Variants in TLK1 observed in about 807,000 individuals in gnomAD.
TLK1 encodes the protein tousled like kinase 1, also known as serine/threonine-protein kinase tousled-like 1.
Under a neutral mutation model 105.3 loss-of-function variants are expected in TLK1, and 24 were observed. That is an observed-to-expected ratio of 0.23 (90% CI 0.17 to 0.32). The LOEUF is 0.32. Ranked by LOEUF, TLK1 falls within the 10% of genes least tolerant of loss-of-function variation. The pLI is 1.00. For synonymous variants in TLK1, 321 were observed against 310.4 expected, an observed-to-expected ratio of 1.03 and a Z score of -0.36; for missense variants, 558 against 910.5, an observed-to-expected ratio of 0.61 and a Z score of 4.98.
At chr2:171,064,959 T>C (rs1687919347) in intron 3 of TLK1, among the ~76,000 whole-genome samples, 1 of 152,240 alleles carries the variant, frequency 6.6e-6, no homozygotes, top group South Asian at 2.1e-4. Context: ...CAATTTTACT[T>C]GGAACTTAGG....
intron 3 of TLK1, among the ~76,000 whole-genome samples, chr2:171,077,704 G>C (rs1472021040): frequency 6.6e-6 from 1 of 152,156 alleles, no homozygotes; most frequent in African/African-American, 2.4e-5. Context: ...GGACCCCAAA[G>C]AGCTTTTATT....
chr2:171,139,317 G>A (rs1465411075), intron 1 of TLK1, among the ~76,000 whole-genome samples: 1 of 152,168 alleles, frequency 6.6e-6, no homozygotes. Context: ...CAGTAATCTG[G>A]CTGGGCATGG....
At chr2:171,074,659 A>G (rs1268103868) in intron 3 of TLK1, among the ~76,000 whole-genome samples, 1 of 151,676 alleles carries the variant, frequency 6.6e-6, no homozygotes, top group African/African-American at 2.4e-5. Context: ...AGAAAGAAAG[A>G]AGAAAAAACC....
intron 1 of TLK1, among the ~76,000 whole-genome samples, chr2:171,139,633 C>T (rs748999233): frequency 4.6e-5 from 7 of 151,934 alleles, no homozygotes; most frequent in Admixed American, 2.0e-4. Context: ...CAACAAAAAC[C>T]GGTTATCTTC....
At chr2:171,146,976 T>G (rs919937240) in intron 1 of TLK1, among the ~76,000 whole-genome samples, 1 of 152,198 alleles carries the variant, frequency 6.6e-6, no homozygotes, top group Non-Finnish European at 1.5e-5. Flanking sequence ...TAAATCTGTT[T>G]TGCTTAAGTT....
rs147559071 is a variant in TLK1, at chr2:171,036,952, T to C, written c.1170-8547A>G. Among the ~76,000 whole-genome samples the C allele has an allele frequency of 5.1e-3, 769 of 152,148 alleles. 7 individuals carry two copies. Among genetic ancestry groups the C allele is most frequent in the African/African-American group, 0.017 (715 of 41,536 alleles). ...ATCCTAGTCTTTAAAAAAGGCTAGATTTAAATGGGATCAAGGTTGCTCATC... is the reference window on the plus strand; with the variant it reads ...ATCCTAGTCTTTAAAAAAGGCTAGACTTAAATGGGATCAAGGTTGCTCATC... On this transcript the variant is annotated intron_variant, in intron 11 of 20. Coordinates refer to ENST00000431350, the MANE Select transcript of TLK1 (RefSeq NM_012290.5).
At chr2:171,143,498 T>C (rs1300006293) in intron 1 of TLK1, among the ~76,000 whole-genome samples, 2 of 86,766 alleles carry the variant, frequency 2.3e-5, no homozygotes, top group Non-Finnish European at 4.0e-5. Flanking sequence ...AGAGTGGGAC[T>C]CTATCTCCAA....
chr2:171,016,840 C>T (rs891405934), intron 12 of TLK1, among the ~76,000 whole-genome samples: 1 of 152,100 alleles, frequency 6.6e-6, no homozygotes, highest in Non-Finnish European at 1.5e-5. Flanking sequence ...TGAAATTCAA[C>T]CACGACTTGT....
At chr2:171,088,088 T>TGGGG (rs1689062296) in intron 2 of TLK1, among the ~76,000 whole-genome samples, 5 of 152,046 alleles carry the variant, frequency 3.3e-5, no homozygotes, top group African/African-American at 4.8e-5. Flanking sequence ...CCCAGCACTT[T>TGGGG]GGGGGGCTGA....
rs560107467 is a variant in TLK1, at chr2:171,184,410, A to C, written c.-6+46735T>G. 5.3e-5 allele frequency among the ~76,000 whole-genome samples: 8 copies of C among 152,324 alleles called. 1 individual carries two copies. Among genetic ancestry groups the C allele is most frequent in the African/African-American group, 1.9e-4 (8 of 41,578 alleles). ...GTGATCCCAGCATTTTGGGAGGCCA[A>C]GGCAGGCAGATCACCTGAATTCGGG... On this transcript the variant is annotated intron_variant, in intron 1 of 20. Coordinates refer to the TLK1 transcript ENST00000521943.
intron 1 of TLK1, among the ~76,000 whole-genome samples, chr2:171,156,034 C>G (rs111329416): frequency 6.6e-6 from 1 of 152,264 alleles, no homozygotes; most frequent in African/African-American, 2.4e-5. Context: ...CCTGTAGGTC[C>G]TAGAGACATT....
chr2:171,015,637 G>A (rs1685145289), intron 12 of TLK1, among the ~76,000 whole-genome samples: 1 of 144,062 alleles, frequency 6.9e-6, no homozygotes, highest in South Asian at 2.2e-4. Context: ...TTTTAGACTA[G>A]CCACCAAAAC....
rs180937408 is a variant in TLK1, at chr2:171,195,268, C to A, written c.-6+35877G>T. On this transcript the variant is annotated intron_variant, in intron 1 of 20. Transcript: ENST00000521943. ...CCTGTAATCCCAGCACTTTGGAAGGCGGAGGCGGGCGGATCACGAGGTCAG... is the reference window on the plus strand; with the variant it reads ...CCTGTAATCCCAGCACTTTGGAAGGAGGAGGCGGGCGGATCACGAGGTCAG... Among the ~76,000 whole-genome samples the A allele has an allele frequency of 1.8e-3, 272 of 151,890 alleles. 2 individuals carry two copies. Among genetic ancestry groups the A allele is most frequent in the African/African-American group, 6.4e-3 (263 of 41,402 alleles).
chr2:171,186,919 G>C (rs1282481176), intron 1 of TLK1, among the ~76,000 whole-genome samples: 3 of 151,616 alleles, frequency 2.0e-5, no homozygotes, highest in Admixed American at 2.0e-4. Context: ...TTGGCTGGGC[G>C]TGGTGGCGGT....
intron 6 of TLK1, 95 bp downstream of exon 6, chr2:171,056,376 A>G: frequency 1.1e-6 from 1 of 888,032 alleles, no homozygotes; most frequent in Non-Finnish European, 1.8e-6. Flanking sequence ...TTATTTATAT[A>G]GAAGTTCTCA....
At chr2:171,107,871 C>A (rs1182509896) in intron 2 of TLK1, among the ~76,000 whole-genome samples, 3 of 151,838 alleles carry the variant, frequency 2.0e-5, no homozygotes, top group Non-Finnish European at 4.4e-5. Context: ...CCAGCCTGGG[C>A]AACATGGTGA....
At chr2:171,052,184 C>T (rs776109692) in intron 8 of TLK1, among the ~76,000 whole-genome samples, 2 of 151,984 alleles carry the variant, frequency 1.3e-5, no homozygotes, top group African/African-American at 4.8e-5. Flanking sequence ...TGCTTAAACC[C>T]GGGAGTTTGA....
intron 11 of TLK1, among the ~76,000 whole-genome samples, chr2:171,030,489 G>A (rs1362971946): frequency 6.6e-6 from 1 of 152,004 alleles, no homozygotes; most frequent in Non-Finnish European, 1.5e-5. Flanking sequence ...GGGAGGAGGA[G>A]GAATGTGATA....
At chr2:171,169,321 T>C (rs1021755152) in intron 1 of TLK1, among the ~76,000 whole-genome samples, 1 of 152,176 alleles carries the variant, frequency 6.6e-6, no homozygotes, top group African/African-American at 2.4e-5. Flanking sequence ...ATTAAAATGT[T>C]TGTGAAGATT....
Sources: gnomAD v4.1 joint callset for allele counts (sites outside exome capture counted in the v4.1 genomes callset) on GRCh38, gnomAD v4.1.1 for gene constraint, MANE v1.5 for transcripts, NCBI Gene and HGNC (gene_info 2026-07-23, HGNC 2026-07-21) for gene names.